Variants in NAALADL2 observed in about 807,000 individuals in gnomAD.
The protein encoded by NAALADL2 is inactive N-acetylated-alpha-linked acidic dipeptidase-like protein 2.
NAALADL2 carries 76 observed loss-of-function variants against 87.2 expected under a neutral mutation model. The ratio of observed to expected loss-of-function variants is 0.87; its 90% CI spans 0.72 to 1.05. NAALADL2 has a LOEUF of 1.05. Among genes scored for constraint, NAALADL2 ranks in the 50% least tolerant of loss-of-function variants. The pLI, the probability that NAALADL2 is intolerant of heterozygous loss-of-function variation, is 0.00. For synonymous variants in NAALADL2, 354 were observed against 331.0 expected, an observed-to-expected ratio of 1.07 and a Z score of -0.75; for missense variants, 1,089 against 945.8, an observed-to-expected ratio of 1.15 and a Z score of -1.99.
chr3:174,552,795 C>CA (rs1164243901), intron 2 of NAALADL2, among the ~76,000 whole-genome samples: 1,936 of 55,862 alleles, frequency 0.035, 139 homozygotes, highest in African/African-American at 0.051. Context: ...GACCCTGCCT[C>CA]AAAAAAAAAA....
intron 1 of NAALADL2, among the ~76,000 whole-genome samples, chr3:174,875,776 G>GA (rs748202131): frequency 3.1e-3 from 476 of 152,172 alleles, no homozygotes; most frequent in Middle Eastern, 0.014. Context: ...TTTAAAAGCA[G>GA]TCTTAAAGTA....
intron 3 of NAALADL2, among the ~76,000 whole-genome samples, chr3:175,248,907 A>G (rs1748503288): frequency 6.6e-6 from 1 of 152,190 alleles, no homozygotes; most frequent in Non-Finnish European, 1.5e-5. Context: ...AATGAATAAT[A>G]TAGCTGTCTG....
intron 2 of NAALADL2, among the ~76,000 whole-genome samples, chr3:174,561,929 A>G (rs1158102784): frequency 6.6e-6 from 1 of 152,174 alleles, no homozygotes. Flanking sequence ...TTTTTGTAAA[A>G]ATGTTCTTTG....
At chr3:175,447,475 A>C in intron 6 of NAALADL2, 103 bp downstream of exon 6, 1 of 754,252 alleles carries the variant, frequency 1.3e-6, no homozygotes, top group Non-Finnish European at 1.9e-6. Flanking sequence ...CTTTTCAAAA[A>C]CATTGACTTT....
intron 10 of NAALADL2, among the ~76,000 whole-genome samples, chr3:175,612,748 A>C (rs1724815613): frequency 6.6e-6 from 1 of 152,192 alleles, no homozygotes; most frequent in Admixed American, 6.5e-5. Flanking sequence ...ATTAATACTA[A>C]GACTGCATTA....
intron 3 of NAALADL2, among the ~76,000 whole-genome samples, chr3:175,241,281 T>G (rs1746827410): frequency 6.6e-6 from 1 of 152,076 alleles, no homozygotes; most frequent in Non-Finnish European, 1.5e-5. Flanking sequence ...AGTGCAGTGG[T>G]GCAACCTCGG....
chr3:174,924,120 A>G (rs182674314), intron 1 of NAALADL2, among the ~76,000 whole-genome samples: 311 of 152,116 alleles, frequency 2.0e-3, no homozygotes, highest in African/African-American at 6.9e-3. Context: ...ATGCAAGTTT[A>G]TTACATATGT....
At chr3:175,457,685 A>AT (rs763515080) in intron 6 of NAALADL2, among the ~76,000 whole-genome samples, 84,154 of 131,412 alleles carry the variant, frequency 0.64, 27,918 homozygotes, top group South Asian at 0.76. Context: ...TGTCTGGCTA[A>AT]TTTTTTTTTT....
intron 2 of NAALADL2, among the ~76,000 whole-genome samples, chr3:174,670,707 C>A (rs977124863): frequency 1.1e-4 from 16 of 152,110 alleles, no homozygotes; most frequent in African/African-American, 3.4e-4. Flanking sequence ...ATAATAATTT[C>A]ATATAATTCA....
chr3:174,477,442 T>C (rs1717287398), intron 1 of NAALADL2, among the ~76,000 whole-genome samples: 1 of 152,228 alleles, frequency 6.6e-6, no homozygotes, highest in South Asian at 2.1e-4. Context: ...GTGTAGGAAC[T>C]TTGAGTCACT....
intron 3 of NAALADL2, among the ~76,000 whole-genome samples, chr3:175,237,098 T>A (rs1251283560): frequency 6.6e-6 from 1 of 152,070 alleles, no homozygotes; most frequent in Non-Finnish European, 1.5e-5. Flanking sequence ...ATATGTAATA[T>A]TACTAATATG....
At chr3:175,176,268 G>T (rs989144782) in intron 2 of NAALADL2, among the ~76,000 whole-genome samples, 1 of 151,828 alleles carries the variant, frequency 6.6e-6, no homozygotes, top group Non-Finnish European at 1.5e-5. Context: ...CAGATGCATG[G>T]TCATCATTAT....
chr3:174,809,994 G>T (rs1358985027), intron 3 of NAALADL2, among the ~76,000 whole-genome samples: 1 of 152,126 alleles, frequency 6.6e-6, no homozygotes, highest in African/African-American at 2.4e-5. Context: ...GAAGATGCCT[G>T]CTCCTGCTTT....
intron 2 of NAALADL2, among the ~76,000 whole-genome samples, chr3:175,128,710 T>C (rs551195255): frequency 1.4e-4 from 21 of 152,158 alleles, no homozygotes; most frequent in Non-Finnish European, 2.6e-4. Flanking sequence ...ATTCTTTTCA[T>C]TTCAGATTCT....
chr3:175,088,176 T>C (rs984322716), intron 1 of NAALADL2, among the ~76,000 whole-genome samples: 1 of 152,238 alleles, frequency 6.6e-6, no homozygotes, highest in South Asian at 2.1e-4. Flanking sequence ...TTACCAATTT[T>C]AATTTTCTTT....
chr3:174,910,903 GC>G (rs2108299667), intron 1 of NAALADL2, among the ~76,000 whole-genome samples: 1 of 152,190 alleles, frequency 6.6e-6, no homozygotes, highest in South Asian at 2.1e-4. Flanking sequence ...AGAGGTAGGG[GC>G]TGTGAATGCT....
At chr3:175,296,345 G>A (rs1756373879) in intron 4 of NAALADL2, among the ~76,000 whole-genome samples, 1 of 152,148 alleles carries the variant, frequency 6.6e-6, no homozygotes, top group African/African-American at 2.4e-5. Flanking sequence ...ATGAAATTCT[G>A]CATTATTCAC....
intron 9 of NAALADL2, among the ~76,000 whole-genome samples, chr3:175,490,553 GTT>G (rs74948956): frequency 8.7e-5 from 12 of 138,306 alleles, no homozygotes; most frequent in African/African-American, 1.9e-4. Flanking sequence ...CGCCTGGCTA[GTT>G]TTTTTTTTTT....
At chr3:174,704,158 C>T (rs1729838718) in intron 2 of NAALADL2, among the ~76,000 whole-genome samples, 2 of 151,868 alleles carry the variant, frequency 1.3e-5, no homozygotes, top group Non-Finnish European at 2.9e-5. Flanking sequence ...CTGTTAGTTC[C>T]CTCTCTCTCT....
Sources: gnomAD v4.1 joint callset for allele counts (sites outside exome capture counted in the v4.1 genomes callset) on GRCh38, gnomAD v4.1.1 for gene constraint, MANE v1.5 for transcripts, NCBI Gene and HGNC (gene_info 2026-07-23, HGNC 2026-07-21) for gene names.